Variants in FAM171A1 observed in about 807,000 individuals in gnomAD.
FAM171A1 encodes protein FAM171A1.
FAM171A1 carries 23 observed loss-of-function variants against 74.9 expected under a neutral mutation model. The ratio of observed to expected loss-of-function variants is 0.31; its 90% CI spans 0.22 to 0.44. FAM171A1 has a LOEUF of 0.44. FAM171A1 is among the 20% of genes least tolerant of loss of function. The pLI, the probability that FAM171A1 is intolerant of heterozygous loss-of-function variation, is 1.00. For synonymous variants in FAM171A1, 527 were observed against 505.7 expected, an observed-to-expected ratio of 1.04 and a Z score of -0.57; for missense variants, 1,162 against 1,159.2, an observed-to-expected ratio of 1.00 and a Z score of -0.03.
At chr10:15,318,733 G>A (rs1835452087) in intron 1 of FAM171A1, among the ~76,000 whole-genome samples, 1 of 152,080 alleles carries the variant, frequency 6.6e-6, no homozygotes, top group African/African-American at 2.4e-5. Flanking sequence ...GACCTTATAG[G>A]AGTCTAGATG....
chr10:15,317,815 G>C (rs1208529050), intron 1 of FAM171A1, among the ~76,000 whole-genome samples: 7 of 152,168 alleles, frequency 4.6e-5, no homozygotes, highest in Non-Finnish European at 1.0e-4. Flanking sequence ...TTTTGAGACA[G>C]GGTCTTGCTC....
chr10:15,265,265 G>C (rs772258873), intron 3 of FAM171A1, among the ~76,000 whole-genome samples: 1 of 152,022 alleles, frequency 6.6e-6, no homozygotes, highest in South Asian at 2.1e-4. Context: ...GTGTGTGTGT[G>C]TGCGTGTGTG....
chr10:15,274,701 G>C (rs1369273275), intron 3 of FAM171A1, among the ~76,000 whole-genome samples: 1 of 152,098 alleles, frequency 6.6e-6, no homozygotes, highest in African/African-American at 2.4e-5. Flanking sequence ...TAGACCAATG[G>C]AACAGAACAG....
Position 15,213,972 on chromosome 10 carries a change from C to T in FAM171A1, c.1616G>A (p.Cys539Tyr). The change falls in exon 8 of 8, where the codon TGT becomes TAT. Residue 539 changes from cysteine to tyrosine, a missense_variant. Physicochemically the swap from Cys to Tyr is radical, Grantham distance 194 (BLOSUM62 -2). Transcript: ENST00000378116. The surrounding 1 kb of genome is among the most constrained non-coding windows in gnomAD (Gnocchi z 6.8). ...GTGATCTACTGATCGCGACATCATA[C>T]ATTCAGTGGGTCTGCGGTCCAGCAG... ...EQLLDRRPTE[C>Y]MMSRSVDHLE... 2.5e-6 allele frequency: 4 copies of T among 1,614,194 alleles called. No individual in the cohort carries two copies. The highest frequency in any genetic ancestry group is 1.6e-4 in the Middle Eastern group (1 of 6,062).
intron 1 of FAM171A1, among the ~76,000 whole-genome samples, chr10:15,312,499 C>T (rs546333650): frequency 7.2e-5 from 11 of 151,802 alleles, no homozygotes; most frequent in Admixed American, 1.3e-4. Context: ...GCACGAGTCT[C>T]GGGGGGCTCC....
chr10:15,241,999 A>G (rs1215183955), intron 5 of FAM171A1, among the ~76,000 whole-genome samples: 2 of 152,182 alleles, frequency 1.3e-5, no homozygotes, highest in Non-Finnish European at 2.9e-5. Context: ...TAGATTCACA[A>G]GTTGCTATCT....
chr10:15,365,911 T>C lies in FAM171A1; in HGVS notation c.97+5045A>G, dbSNP rs188510239. On this transcript the variant is annotated intron_variant, in intron 1 of 7. Transcript: ENST00000378116. The stretch of plus-strand genomic sequence containing the variant: ...TCAGAGAAGGTGGAGTCATCTTACA[T>C]ATGCTGACTCAGCTGTTTAGGGGAA... Among the ~76,000 whole-genome samples, 529 of 152,306 alleles carry C rather than the reference T, an allele frequency of 3.5e-3. 7 individuals are homozygous for C. Among genetic ancestry groups the C allele is most frequent in the Admixed American group, 0.028 (430 of 15,294 alleles).
At chr10:15,229,311 T>A (rs1037470884) in intron 5 of FAM171A1, among the ~76,000 whole-genome samples, 2 of 152,146 alleles carry the variant, frequency 1.3e-5, no homozygotes. Context: ...CTGTCATGGC[T>A]CTGGATGAAT....
intron 1 of FAM171A1, among the ~76,000 whole-genome samples, chr10:15,308,716 TTTTG>T (rs1366854724): frequency 2.6e-5 from 4 of 152,194 alleles, no homozygotes; most frequent in East Asian, 3.9e-4. Context: ...TTAGTGGGTA[TTTTG>T]TTTGTTTTTA....
chr10:15,268,073 T>C (rs1329244350), intron 3 of FAM171A1, among the ~76,000 whole-genome samples: 1 of 152,132 alleles, frequency 6.6e-6, no homozygotes, highest in Admixed American at 6.5e-5. Flanking sequence ...CAGCCGGCTG[T>C]GTGGGAAGCC....
At chr10:15,340,547 C>T (rs577391832) in intron 1 of FAM171A1, among the ~76,000 whole-genome samples, 4 of 152,118 alleles carry the variant, frequency 2.6e-5, no homozygotes, top group African/African-American at 9.7e-5. Context: ...CATCCTAAAT[C>T]CCCACCTCCA....
chr10:15,320,790 C>T (rs1225894533), intron 1 of FAM171A1, among the ~76,000 whole-genome samples: 3 of 152,314 alleles, frequency 2.0e-5, no homozygotes, highest in Admixed American at 6.5e-5. Context: ...TTAGACCACA[C>T]AGTAAGTTTG....
At chr10:15,333,821 G>A (rs919255301) in intron 1 of FAM171A1, among the ~76,000 whole-genome samples, 1 of 151,842 alleles carries the variant, frequency 6.6e-6, no homozygotes, top group African/African-American at 2.4e-5. Flanking sequence ...GTGACAGAGT[G>A]AGACCGTGTC....
intron 1 of FAM171A1, among the ~76,000 whole-genome samples, chr10:15,287,160 C>G (rs569005554): frequency 2.1e-5 from 3 of 141,220 alleles, no homozygotes; most frequent in Admixed American, 7.3e-5. Flanking sequence ...GGTGCGATCT[C>G]GGCTCACCGT....
chr10:15,329,969 A>C (rs1319779851), intron 1 of FAM171A1, among the ~76,000 whole-genome samples: 1 of 152,208 alleles, frequency 6.6e-6, no homozygotes, highest in African/African-American at 2.4e-5. Context: ...TGTGGAATGC[A>C]TTTAAGATAA....
chr10:15,287,745 C>T (rs1299310872), intron 1 of FAM171A1, among the ~76,000 whole-genome samples: 4 of 152,082 alleles, frequency 2.6e-5, no homozygotes, highest in Admixed American at 6.5e-5. Flanking sequence ...GTATACTATT[C>T]CTCTTATAAA....
chr10:15,226,871 A>C (rs1364666241), intron 5 of FAM171A1, among the ~76,000 whole-genome samples: 1 of 151,888 alleles, frequency 6.6e-6, no homozygotes, highest in African/African-American at 2.4e-5. Flanking sequence ...CCCCCACCAC[A>C]ACCACCCCCC....
chr10:15,343,622 T>C (rs1470372325), intron 1 of FAM171A1, among the ~76,000 whole-genome samples: 3 of 152,032 alleles, frequency 2.0e-5, no homozygotes, highest in Admixed American at 1.3e-4. Context: ...GAGTGACCTG[T>C]ATAAAGGCAG....
chr10:15,293,298 T>C (rs1179386027), intron 1 of FAM171A1, among the ~76,000 whole-genome samples: 1 of 152,212 alleles, frequency 6.6e-6, no homozygotes, highest in Non-Finnish European at 1.5e-5. Flanking sequence ...ATAACTACTT[T>C]AAAAATAGAT....
Sources: allele counts gnomAD v4.1 joint callset (sites outside exome capture counted in the v4.1 genomes callset), GRCh38; gene constraint gnomAD v4.1.1; non-coding constraint Gnocchi (gnomAD v3.1); transcripts MANE v1.5; gene names NCBI Gene and HGNC (gene_info 2026-07-23, HGNC 2026-07-21).